Variants in MARCHF1 observed in about 807,000 individuals in gnomAD.
MARCHF1 encodes membrane associated ring-CH-type finger 1, also known as E3 ubiquitin-protein ligase MARCHF1.
In MARCHF1, 40 loss-of-function variants were observed where a neutral mutation model predicts 54.2. The ratio of observed to expected loss-of-function variants is 0.74; its 90% CI spans 0.57 to 0.96. The LOEUF is 0.96. Ranked by LOEUF, MARCHF1 falls within the 40% of genes least tolerant of loss-of-function variation. MARCHF1 has a pLI of 0.00. For missense variants in MARCHF1, 586 were observed against 656.5 expected (o/e 0.89, Z 1.17); for synonymous variants, 236 against 236.3 (o/e 1.00, Z 0.01).
At chr4:163,959,973 A>C (rs1157501513) in intron 3 of MARCHF1, among the ~76,000 whole-genome samples, 1 of 152,016 alleles carries the variant, frequency 6.6e-6, no homozygotes, top group Admixed American at 6.6e-5. Flanking sequence ...GAGGAAAAAA[A>C]CCCCATTAAA....
chr4:163,600,790 T>C (rs1740938453), intron 7 of MARCHF1, among the ~76,000 whole-genome samples: 2 of 152,056 alleles, frequency 1.3e-5, no homozygotes, highest in Admixed American at 1.3e-4. Context: ...AGGCAGAACA[T>C]GGAGAGGTTT....
At chr4:164,143,103 G>C (rs567448722) in intron 1 of MARCHF1, among the ~76,000 whole-genome samples, 2 of 146,460 alleles carry the variant, frequency 1.4e-5, no homozygotes, top group Admixed American at 6.8e-5. Flanking sequence ...GAAATGAAGC[G>C]AGAAGGGAAG....
At chr4:164,147,602 C>T (rs1461168614) in intron 1 of MARCHF1, among the ~76,000 whole-genome samples, 4 of 142,596 alleles carry the variant, frequency 2.8e-5, no homozygotes, top group Admixed American at 7.3e-5. Flanking sequence ...TATTCTCACT[C>T]ATAGGTGGGA....
At chr4:164,305,774 C>G (rs1319209320) in intron 1 of MARCHF1, among the ~76,000 whole-genome samples, 1 of 151,978 alleles carries the variant, frequency 6.6e-6, no homozygotes, top group African/African-American at 2.4e-5. Context: ...ATGATCACAA[C>G]ATAAAGAAAT....
chr4:164,274,292 G>A (rs1293227892), intron 1 of MARCHF1, among the ~76,000 whole-genome samples: 1 of 152,014 alleles, frequency 6.6e-6, no homozygotes, highest in East Asian at 1.9e-4. Flanking sequence ...GATGACTCAG[G>A]GCCTTATCCA....
intron 5 of MARCHF1, among the ~76,000 whole-genome samples, chr4:163,673,744 T>C (rs114921757): frequency 5.9e-5 from 9 of 152,270 alleles, no homozygotes; most frequent in Admixed American, 2.0e-4. Flanking sequence ...AATATTAACT[T>C]TGGAATCTGT....
At chr4:163,615,876 G>A (rs913841483) in intron 5 of MARCHF1, among the ~76,000 whole-genome samples, 1 of 152,058 alleles carries the variant, frequency 6.6e-6, no homozygotes, top group African/African-American at 2.4e-5. Flanking sequence ...TATAAAAACA[G>A]ACACATAGAC....
intron 1 of MARCHF1, among the ~76,000 whole-genome samples, chr4:164,374,069 G>A (rs982752944): frequency 1.3e-5 from 2 of 152,118 alleles, no homozygotes; most frequent in African/African-American, 4.8e-5. Context: ...ACTGTTTTGA[G>A]GGAAATTTTT....
At chr4:164,154,904 G>A (rs536747132) in intron 1 of MARCHF1, among the ~76,000 whole-genome samples, 21 of 152,296 alleles carry the variant, frequency 1.4e-4, no homozygotes, top group African/African-American at 5.1e-4. Context: ...GAGTGGTGGA[G>A]GTGGCTCTCA....
chr4:163,873,859 T>C (rs987196851), intron 3 of MARCHF1, among the ~76,000 whole-genome samples: 3 of 152,194 alleles, frequency 2.0e-5, no homozygotes, highest in Non-Finnish European at 4.4e-5. Context: ...TTTTATGCGT[T>C]TACCCTCATG....
chr4:164,360,197 C>A (rs1730684617), intron 1 of MARCHF1, among the ~76,000 whole-genome samples: 1 of 152,026 alleles, frequency 6.6e-6, no homozygotes, highest in Admixed American at 6.6e-5. Flanking sequence ...AAGATAAAAG[C>A]TTCCAGCTGT....
At chr4:164,165,638 G>T (rs142172014) in intron 1 of MARCHF1, among the ~76,000 whole-genome samples, 24 of 152,024 alleles carry the variant, frequency 1.6e-4, no homozygotes, top group African/African-American at 5.5e-4. Flanking sequence ...GCCTGGTGAA[G>T]GTAGATTACA....
chr4:164,075,927 A>T (rs891525394), intron 2 of MARCHF1, among the ~76,000 whole-genome samples: 3 of 152,204 alleles, frequency 2.0e-5, no homozygotes, highest in African/African-American at 7.2e-5. Context: ...GCACAGATAC[A>T]GCCACTGACT....
intron 3 of MARCHF1, among the ~76,000 whole-genome samples, chr4:163,890,703 T>C (rs1048003762): frequency 1.3e-4 from 20 of 152,122 alleles, no homozygotes; most frequent in African/African-American, 3.1e-4. Flanking sequence ...ACATTATATA[T>C]TTAAGTTTTT....
rs1045994861 is a variant in MARCHF1, at chr4:163,898,220, C to A, written c.-38-44051G>T. Among the ~76,000 whole-genome samples, 44 of 151,956 alleles carry A rather than the reference C, an allele frequency of 2.9e-4. 1 individual carries two copies. Among genetic ancestry groups the A allele is most frequent in the Non-Finnish European group, 5.9e-4 (40 of 67,998 alleles). On this transcript the variant is annotated intron_variant, in intron 3 of 9. Transcript: ENST00000514618. Reference sequence around the variant, plus strand: ...TTTAATGAAACTAAAAAGCTCTGCACAGCAAAAGAAATAATCAACAAAGAA... The same window carrying A: ...TTTAATGAAACTAAAAAGCTCTGCAAAGCAAAAGAAATAATCAACAAAGAA...
chr4:164,339,587 T>C (rs1729855215), intron 1 of MARCHF1, among the ~76,000 whole-genome samples: 1 of 151,932 alleles, frequency 6.6e-6, no homozygotes, highest in Non-Finnish European at 1.5e-5. Context: ...AAGAGGGAAG[T>C]TTACAGGGAT....
At chr4:164,243,969 G>A (rs564598391) in intron 1 of MARCHF1, among the ~76,000 whole-genome samples, 73 of 152,136 alleles carry the variant, frequency 4.8e-4, no homozygotes, top group African/African-American at 1.6e-3. Context: ...AAGTCTGAGT[G>A]ACCTACAAAG....
chr4:164,351,724 G>T (rs1359954368), intron 1 of MARCHF1, among the ~76,000 whole-genome samples: 1 of 152,086 alleles, frequency 6.6e-6, no homozygotes, highest in African/African-American at 2.4e-5. Flanking sequence ...CCAAAGGAAC[G>T]CAGTTTCTCA....
chr4:164,331,613 A>C (rs1735435885), intron 1 of MARCHF1, among the ~76,000 whole-genome samples: 1 of 152,214 alleles, frequency 6.6e-6, no homozygotes, highest in South Asian at 2.1e-4. Flanking sequence ...GTTTTATAAA[A>C]TATTTATAAG....
Sources: gnomAD v4.1 joint callset for allele counts (sites outside exome capture counted in the v4.1 genomes callset) on GRCh38, gnomAD v4.1.1 for gene constraint, MANE v1.5 for transcripts, NCBI Gene and HGNC (gene_info 2026-07-23, HGNC 2026-07-21) for gene names.